Variants in ITPRID2 observed in about 807,000 individuals in gnomAD.
ITPRID2 encodes ITPR interacting domain containing 2.
Under a neutral mutation model 124.3 loss-of-function variants are expected in ITPRID2, and 60 were observed. The ratio of observed to expected loss-of-function variants is 0.48; its 90% CI spans 0.39 to 0.60. The LOEUF (loss-of-function observed/expected upper bound fraction) is 0.60, where lower values mean the gene tolerates loss of function less well. ITPRID2 is among the 20% of genes least tolerant of loss of function. The pLI is 0.00. For missense variants in ITPRID2, 1,553 were observed against 1,512.2 expected (o/e 1.03, Z -0.45); for synonymous variants, 521 against 542.9 (o/e 0.96, Z 0.56).
chr2:181,901,842 G>T lies in ITPRID2; in HGVS notation c.789G>T (p.Thr263=), dbSNP rs1460185864. The change falls in exon 8 of 18, where the codon ACG becomes ACT. Residue 263 remains threonine, a synonymous_variant. Transcript: ENST00000431877. ...FSSLYSQVSG[T]PLQRIGSMSS... ...CTTTATATTCTCAAGTCTCCGGGAC[G>T]CCCCTGCAGAGAATTGGAAGTATGT... 1 of 1,613,754 alleles carries T rather than the reference G, an allele frequency of 6.2e-7. No homozygotes were observed. The highest frequency in any genetic ancestry group is 8.5e-7 in the Non-Finnish European group (1 of 1,179,810).
intron 14 of ITPRID2, 141 bp from the exon 15 acceptor site, chr2:181,920,456 C>A: frequency 1.9e-6 from 1 of 513,792 alleles, no homozygotes; most frequent in Non-Finnish European, 3.2e-6. Context: ...TAAAGGGATG[C>A]TTCCAGGCAC....
In ITPRID2 at chr2:181,892,942, ATTTG is replaced by A. The variant is rs1181424411; in HGVS notation, c.257+285_257+288del. ...AATCCAGAACAGATAATCATGCCAT[ATTTG>A]TTCTGTTTTTATTTGAAAGAATTCT... On this transcript the variant is annotated intron_variant, in intron 2 of 17. Transcript: ENST00000431877. This position sits in a 1 kb window ranked among gnomAD's most constrained non-coding sequence, Gnocchi z 5.2. 3.8e-6 allele frequency: 2 copies of A among 526,698 alleles called. No individual in the cohort carries two copies. Among genetic ancestry groups the A allele is most frequent in the South Asian group, 2.8e-5 (1 of 35,970 alleles). 32.6% of individuals were successfully genotyped at this position (526,698 alleles called of 1,614,324 possible). A position where few individuals can be genotyped will look rare whatever the true frequency, so the allele number is the denominator to read the frequency against.
intron 10 of ITPRID2, among the ~76,000 whole-genome samples, chr2:181,914,351 A>G (rs1693860270): frequency 6.6e-6 from 1 of 152,234 alleles, no homozygotes; most frequent in South Asian, 2.1e-4. Flanking sequence ...TGTGTGAGAT[A>G]ACCCAGAGAA....
chr2:181,900,655 T>G (rs1692586333), intron 6 of ITPRID2, 41 bp from the exon 7 acceptor site: 1 of 1,411,644 alleles, frequency 7.1e-7, no homozygotes. Flanking sequence ...TCAATTTATT[T>G]TATATTTTCA....
intron 15 of ITPRID2, among the ~76,000 whole-genome samples, chr2:181,921,043 G>T (rs1694441174): frequency 6.6e-6 from 1 of 152,172 alleles, no homozygotes; most frequent in Non-Finnish European, 1.5e-5. Flanking sequence ...AATCAGCCAG[G>T]CATGGTGATA....
intron 8 of ITPRID2, among the ~76,000 whole-genome samples, chr2:181,903,187 G>A (rs1286630336): frequency 1.3e-5 from 2 of 152,186 alleles, no homozygotes; most frequent in Admixed American, 1.3e-4. Context: ...TGAATAGCTT[G>A]GGGCAGGAAA....
At position 181,919,741 on chromosome 2, in the gene ITPRID2, A is replaced by G. The variant is rs1559014157; in HGVS notation, c.3144+295A>G. On this transcript the variant is annotated intron_variant, in intron 14 of 17. Transcript: ENST00000431877. This position sits in a 1 kb window ranked among gnomAD's most constrained non-coding sequence, Gnocchi z 4.2. ...AAAGGAAAAATGCTAGTGAATTAAC[A>G]TATGACTAATGTAAATTTTAATTGT... is the stretch of plus-strand genomic sequence containing the variant. Among the ~76,000 whole-genome samples the G allele has an allele frequency of 6.6e-6, 1 of 152,180 alleles. No individual in the cohort carries two copies. The highest frequency in any genetic ancestry group is 1.5e-5 in the Non-Finnish European group (1 of 68,016).
At chr2:181,912,075 C>A (rs558474132) in intron 9 of ITPRID2, among the ~76,000 whole-genome samples, 12 of 152,226 alleles carry the variant, frequency 7.9e-5, no homozygotes, top group Non-Finnish European at 1.3e-4. Context: ...CTTCCCTGCA[C>A]TCAGGCACCT....
chr2:181,927,443 T>A (rs938009529), intron 16 of ITPRID2, among the ~76,000 whole-genome samples: 1 of 152,214 alleles, frequency 6.6e-6, no homozygotes, highest in Non-Finnish European at 1.5e-5. Context: ...AAAATCCTGA[T>A]GGAATTGTCA....
intron 17 of ITPRID2, 92 bp from the exon 18 acceptor site, chr2:181,929,469 T>C: frequency 1.3e-6 from 1 of 765,506 alleles, no homozygotes; most frequent in Non-Finnish European, 2.2e-6. Context: ...TGTGTATATA[T>C]ATTTGCATAA....
At chr2:181,921,150 C>T (rs1478854317) in intron 15 of ITPRID2, among the ~76,000 whole-genome samples, 3 of 152,072 alleles carry the variant, frequency 2.0e-5, no homozygotes, top group Non-Finnish European at 4.4e-5. Flanking sequence ...TGCCACTGCA[C>T]TCCAGCCTGG....
rs532736670 is a variant in ITPRID2 at position 181,925,533 on chromosome 2, C to T, written c.3676-2628C>T. On this transcript the variant is annotated intron_variant, in intron 16 of 17. Coordinates refer to ENST00000431877, the MANE Select transcript of ITPRID2 (RefSeq NM_001130445.3). ...GGCCATTTTATCTGTAGTCTGCTTT[C>T]GTTTTTCTGCTTTCTCTTCCTTTTT... Among the ~76,000 whole-genome samples, 9 of 152,272 alleles carry T rather than the reference C, an allele frequency of 5.9e-5. No individual in the cohort carries two copies. In the South Asian group the frequency reaches 1.0e-3, roughly 18 times the overall value.
chr2:181,897,163 A>G (rs1269001016), intron 4 of ITPRID2, among the ~76,000 whole-genome samples, 199 bp downstream of exon 4: 1 of 151,980 alleles, frequency 6.6e-6, no homozygotes, highest in East Asian at 1.9e-4. Flanking sequence ...ACTCTGAAAA[A>G]CTATGTGAAG....
chr2:181,928,071 T>C, intron 16 of ITPRID2, 90 bp from the exon 17 acceptor site: 1 of 808,984 alleles, frequency 1.2e-6, no homozygotes. Flanking sequence ...AATTAAGAAA[T>C]TGAATGCTAT....
rs1232830607 is a variant in ITPRID2, at chr2:181,930,701, A to G, written c.*1154A>G. 1 of 152,512 alleles carries G rather than the reference A, an allele frequency of 6.6e-6. No individual in the cohort carries two copies. Among genetic ancestry groups the G allele is most frequent in the African/African-American group, 2.4e-5 (1 of 41,446 alleles). 9.4% of individuals were successfully genotyped at this position (152,512 alleles called of 1,614,324 possible). ...ACACAAAGGCTGATTTCTAAAATAT[A>G]TATATATTAAAACAATAAAGTATTT... On this transcript the variant is annotated 3_prime_UTR_variant, in exon 18 of 18. Transcript: ENST00000431877.
rs1213765948 is a variant in ITPRID2 at position 181,891,950 on chromosome 2, G to C, written c.-117G>C. On this transcript the variant is annotated 5_prime_UTR_variant, in exon 1 of 18. Transcript: ENST00000431877. ...TCCTCCTCCTCCTCCTCCGGCGCCC[G>C]CTTCAGCTCCCCGGGGCCCCCTGCC... is the stretch of plus-strand genomic sequence containing the variant. 1.7e-5 allele frequency: 9 copies of C among 518,534 alleles called. No homozygotes were observed. The Admixed American group carries it at 3.1e-4, about 18-fold the overall frequency. 32.1% of individuals were successfully genotyped at this position (518,534 alleles called of 1,614,324 possible). A position where few individuals can be genotyped will look rare whatever the true frequency, so the allele number is the denominator to read the frequency against.
Position 181,922,383 on chromosome 2 carries a change from C to G in ITPRID2, c.3646C>G (p.Gln1216Glu). The change falls in exon 16 of 18, where the codon CAA (glutamine) becomes GAA (glutamate). Residue 1216 changes from glutamine (Q) to glutamate (E), a missense_variant. Coordinates refer to ENST00000431877, the MANE Select transcript of ITPRID2 (RefSeq NM_001130445.3). ...TGAGGAAATGCATAAAAATGTGGAG[C>G]AAGATGAGTTGCAGCAAGTCATACG... ...AAEEMHKNVE[Q>E]DELQQVIREI... The G allele has an allele frequency of 6.2e-7, 1 of 1,612,784 alleles. No homozygotes were observed. The highest frequency in any genetic ancestry group is 8.5e-7 in the Non-Finnish European group (1 of 1,179,258).
chr2:181,900,176 G>A (rs1337940164), intron 6 of ITPRID2, among the ~76,000 whole-genome samples: 1 of 152,174 alleles, frequency 6.6e-6, no homozygotes, highest in African/African-American at 2.4e-5. Flanking sequence ...GGAAGTGGTT[G>A]GAGAGAAGTT....
chr2:181,915,272 A>G lies in ITPRID2; in HGVS notation c.1632A>G (p.Thr544=). Residue 544 remains threonine (T), a synonymous_variant, in exon 11 of 18, where the codon ACA becomes ACG. Transcript: ENST00000431877. ...GTGCTGATAGTTGTGACAGTGAGAC[A>G]ACAGTTACGTCACTTGGTGAAGACC... The part of the protein sequence containing the change: ...GSSADSCDSE[T]TVTSLGEDLA... The G allele has an allele frequency of 6.2e-6, 10 of 1,614,188 alleles. No homozygotes were observed. Among genetic ancestry groups the G allele is most frequent in the Non-Finnish European group, 8.5e-6 (10 of 1,180,034 alleles).
Sources: allele counts gnomAD v4.1 joint callset (sites outside exome capture counted in the v4.1 genomes callset), GRCh38; gene constraint gnomAD v4.1.1; non-coding constraint Gnocchi (gnomAD v3.1); transcripts MANE v1.5; gene names NCBI Gene and HGNC (gene_info 2026-07-23, HGNC 2026-07-21).